The following SVEP1 variants were observed in gnomAD, a reference collection of about 807,000 sequenced individuals.
The protein encoded by SVEP1 is sushi, von Willebrand factor type A, EGF and pentraxin domain containing 1.
A neutral mutation model predicts 367.3 loss-of-function variants in SVEP1; 164 were observed. That is an observed-to-expected ratio of 0.45 (90% CI 0.39 to 0.51). SVEP1 has a LOEUF of 0.51. Among genes scored for constraint, SVEP1 ranks in the 20% least tolerant of loss-of-function variants. The pLI is 0.00. For missense variants in SVEP1, 4,117 were observed against 4,425.3 expected, an observed-to-expected ratio of 0.93 and a Z score of 1.98; for synonymous variants, 1,666 against 1,611.6, an observed-to-expected ratio of 1.03 and a Z score of -0.81.
intron 9 of SVEP1, 113 bp downstream of exon 9, chr9:110,489,537 C>T: frequency 3.0e-6 from 3 of 1,016,428 alleles, no homozygotes; most frequent in Non-Finnish European, 4.3e-6. Context: ...GAAAGACCCA[C>T]CTCTATGATT....
At chr9:110,393,798 C>T (rs755382792) in intron 40 of SVEP1, among the ~76,000 whole-genome samples, 10 of 152,148 alleles carry the variant, frequency 6.6e-5, no homozygotes, top group South Asian at 2.1e-4. Context: ...AAGGCAGCAG[C>T]GAGGCTGGGG....
At chr9:110,465,347 C>G (rs1040973382) in intron 18 of SVEP1, among the ~76,000 whole-genome samples, 1 of 151,168 alleles carries the variant, frequency 6.6e-6, no homozygotes, top group Non-Finnish European at 1.5e-5. Context: ...CAAGTTAAAT[C>G]AGAATCTCTG....
intron 1 of SVEP1, among the ~76,000 whole-genome samples, chr9:110,554,241 A>C (rs2118859959): frequency 6.6e-6 from 1 of 152,098 alleles, no homozygotes; most frequent in East Asian, 1.9e-4. Context: ...GTTTGTGGTT[A>C]ACTTTGATTT....
chr9:110,384,201 C>A (rs1276596254), intron 43 of SVEP1, among the ~76,000 whole-genome samples: 1 of 152,198 alleles, frequency 6.6e-6, no homozygotes, highest in African/African-American at 2.4e-5. Context: ...GCAGGTTGCA[C>A]AGATCCATGG....
intron 37 of SVEP1, among the ~76,000 whole-genome samples, chr9:110,409,656 TG>T (rs562858989): frequency 3.9e-5 from 6 of 152,196 alleles, no homozygotes; most frequent in Non-Finnish European, 8.8e-5. Context: ...TTGTTAATGT[TG>T]TTAGATCATA....
At chr9:110,375,490 AGGAGGCAGGGGGGATTG>A in intron 45 of SVEP1, 27 bp from the exon 46 acceptor site, 1 of 1,338,828 alleles carries the variant, frequency 7.5e-7, no homozygotes, top group Non-Finnish European at 1.0e-6. Flanking sequence ...AAAAAAAAAA[AGGAGGCAGGGGGGATTG>A]AAATGGCGTT....
chr9:110,441,259 T>C (rs1437855102), intron 27 of SVEP1, among the ~76,000 whole-genome samples: 1 of 152,208 alleles, frequency 6.6e-6, no homozygotes, highest in Non-Finnish European at 1.5e-5. Context: ...AATAATTATA[T>C]GATTTTCAAA....
intron 3 of SVEP1, among the ~76,000 whole-genome samples, chr9:110,543,181 C>T (rs970972899): frequency 2.0e-5 from 3 of 152,068 alleles, no homozygotes; most frequent in African/African-American, 7.2e-5. Flanking sequence ...CTGCCTCCTA[C>T]AGCTACACAA....
intron 40 of SVEP1, among the ~76,000 whole-genome samples, chr9:110,394,054 G>A (rs12350870): frequency 0.26 from 40,171 of 152,194 alleles, 5,678 homozygotes; most frequent in South Asian, 0.33. Context: ...CAGGCAGACT[G>A]CCTCCTCAAG....
intron 33 of SVEP1, 22 bp downstream of exon 33, chr9:110,430,252 G>A (rs553459575): frequency 2.0e-5 from 32 of 1,598,212 alleles, no homozygotes; most frequent in South Asian, 3.4e-5. Flanking sequence ...CATAAGAAAC[G>A]TGGTAAATTT....
intron 11 of SVEP1, among the ~76,000 whole-genome samples, chr9:110,481,748 T>C (rs2118703547): frequency 6.6e-6 from 1 of 152,278 alleles, no homozygotes; most frequent in Middle Eastern, 3.4e-3. Flanking sequence ...AGTCTTGCTC[T>C]GTCACCCAGG....
chr9:110,577,289 G>A (rs1180766022), intron 1 of SVEP1, among the ~76,000 whole-genome samples: 1 of 152,056 alleles, frequency 6.6e-6, no homozygotes, highest in Non-Finnish European at 1.5e-5. Flanking sequence ...TGATACAAAT[G>A]AGATAGAGAA....
intron 16 of SVEP1, 48 bp downstream of exon 16, chr9:110,471,316 T>C (rs750338823): frequency 1.3e-6 from 2 of 1,504,394 alleles, no homozygotes; most frequent in Non-Finnish European, 1.8e-6. Context: ...CCCATCTCAT[T>C]TGACCCAGTA....
intron 8 of SVEP1, among the ~76,000 whole-genome samples, chr9:110,495,330 A>G (rs2151689): frequency 0.44 from 66,545 of 152,010 alleles, 15,674 homozygotes; most frequent in Middle Eastern, 0.57. Context: ...CGACTAAATT[A>G]AGAATCTTAA....
At chr9:110,434,739 A>G (rs1298700843) in intron 29 of SVEP1, among the ~76,000 whole-genome samples, 1 of 147,206 alleles carries the variant, frequency 6.8e-6, no homozygotes, top group Non-Finnish European at 1.5e-5. Context: ...AATGTCAATG[A>G]AATGTTCTTG....
At position 110,407,483 on chromosome 9, in the gene SVEP1, T is replaced by C; in HGVS notation, c.8117A>G (p.Asn2706Ser). 1 of 1,614,010 alleles carries C rather than the reference T, an allele frequency of 6.2e-7. No homozygotes were observed. Among genetic ancestry groups the C allele is most frequent in the Non-Finnish European group, 8.5e-7 (1 of 1,179,896 alleles). ...VLICQEDGTW[N>S]GSAPSCISIE... is the part of the protein sequence containing the mutation. ...TGAAATGCAGGATGGTGCACTGCCA[T>C]TCCAAGTTCCATCTTCCTGGCAGAT... Residue 2706 changes from asparagine to serine, a missense_variant, in exon 38 of 48, where the codon AAT becomes AGT. Transcript: ENST00000374469.
chr9:110,392,024 C>T (rs1827662945), intron 40 of SVEP1, among the ~76,000 whole-genome samples: 2 of 151,696 alleles, frequency 1.3e-5, no homozygotes, highest in African/African-American at 4.9e-5. Flanking sequence ...ACCTAGTTCT[C>T]AGACCTTTGG....
intron 3 of SVEP1, among the ~76,000 whole-genome samples, chr9:110,531,170 G>A (rs530896542): frequency 6.6e-6 from 1 of 152,100 alleles, no homozygotes; most frequent in East Asian, 1.9e-4. Context: ...TTGCTTTATT[G>A]ACATTTATGA....
chr9:110,506,067 T>G (rs1829622438), intron 5 of SVEP1, among the ~76,000 whole-genome samples: 1 of 152,156 alleles, frequency 6.6e-6, no homozygotes, highest in Non-Finnish European at 1.5e-5. Context: ...GAACATGCAG[T>G]GTTTGGTTTT....
Sources: allele counts gnomAD v4.1 joint callset (sites outside exome capture counted in the v4.1 genomes callset), GRCh38; gene constraint gnomAD v4.1.1; transcripts MANE v1.5; gene names NCBI Gene and HGNC (gene_info 2026-07-23, HGNC 2026-07-21).